PHGDH: variants seen among roughly 807,000 people sequenced by gnomAD.
PHGDH encodes the protein D-3-phosphoglycerate dehydrogenase.
PHGDH carries 50 observed loss-of-function variants against 52.6 expected under a neutral mutation model. That is an observed-to-expected ratio of 0.95 (90% CI 0.76 to 1.20). PHGDH has a LOEUF of 1.20. Among genes scored for constraint, PHGDH ranks in the 50% most tolerant of loss-of-function variants. The pLI is 0.00. For synonymous variants in PHGDH, 271 were observed against 280.5 expected, an observed-to-expected ratio of 0.97 and a Z score of 0.34; for missense variants, 630 against 684.6, an observed-to-expected ratio of 0.92 and a Z score of 0.89.
Position 119,741,887 on chromosome 1 carries a change from C to A in PHGDH, c.1199C>A (p.Ala400Asp). Residue 400 changes from alanine (A) to aspartate (D), a missense_variant, in exon 10 of 12, where the codon GCT becomes GAT. By Grantham distance (126) the Ala-to-Asp change is moderately radical (BLOSUM62 -2). Transcript: ENST00000641023. ...LVNAKLLVKE[A>D]GLNVTTSHSP... ...AACGCTAAGCTGCTGGTGAAAGAGG[C>A]TGGCCTCAATGTGCGCCCCTCTCCC... 1 of 1,613,854 alleles carries A rather than the reference C, an allele frequency of 6.2e-7. No homozygotes were observed. Among genetic ancestry groups the A allele is most frequent in the Non-Finnish European group, 8.5e-7 (1 of 1,179,738 alleles).
Position 119,721,164 on chromosome 1 carries a change from C to T in PHGDH, c.139-6C>T, listed in dbSNP as rs1351164206. The T allele has an allele frequency of 6.2e-7, 1 of 1,613,910 alleles. No individual in the cohort carries two copies. Among genetic ancestry groups the T allele is most frequent in the Admixed American group, 1.7e-5 (1 of 60,004 alleles). ...TTTCTGGACCCAAATGTTTTTTCTG[C>T]TTCAGGACTGTGAAGGCCTTATTGT... On this transcript the variant is annotated splice_polypyrimidine_tract_variant and splice_region_variant and intron_variant, in intron 1 of 11. Transcript: ENST00000641023.
chr1:119,742,758 A>G, intron 10 of PHGDH, 49 bp from the exon 11 acceptor site: 3 of 1,138,378 alleles, frequency 2.6e-6, no homozygotes. Flanking sequence ...AGGAGGGTGG[A>G]CGTGGTGCAG....
chr1:119,738,278 A>G (rs1652032051), intron 8 of PHGDH, among the ~76,000 whole-genome samples: 1 of 152,004 alleles, frequency 6.6e-6, no homozygotes, highest in South Asian at 2.1e-4. Flanking sequence ...GGCAGGAGAG[A>G]CGGGGATTTT....
chr1:119,735,482 A>G lies in PHGDH; in HGVS notation c.792+39A>G, dbSNP rs181122257. 1.1e-5 allele frequency: 17 copies of G among 1,598,476 alleles called. No homozygotes were observed. In the African/African-American group the frequency reaches 2.0e-4, roughly 19 times the overall value. On this transcript the variant is annotated intron_variant, in intron 7 of 11. Coordinates refer to ENST00000641023, the MANE Select transcript of PHGDH (RefSeq NM_006623.4). ...AGCCTCAGCGTCAGGAGGACGGGAG[A>G]GATAGGGAGCAGAGAGGCCCATGGC... is the stretch of plus-strand genomic sequence containing the variant.
intron 1 of PHGDH, chr1:119,712,412 G>GCAAA: frequency 2.1e-6 from 1 of 474,024 alleles, no homozygotes; most frequent in Non-Finnish European, 3.9e-6. Flanking sequence ...CGCTAGCATT[G>GCAAA]CAAAGTGCGG....
chr1:119,738,778 G>A (rs1251055985), intron 8 of PHGDH, among the ~76,000 whole-genome samples: 1 of 152,204 alleles, frequency 6.6e-6, no homozygotes, highest in Middle Eastern at 3.4e-3. Flanking sequence ...AGAGCGAGGG[G>A]GTGGGGGAGG....
At chr1:119,739,508 A>G (rs2101212811) in intron 8 of PHGDH, 1 of 151,898 alleles carries the variant, frequency 6.6e-6, no homozygotes, top group East Asian at 1.9e-4. Context: ...CATTTCCCAT[A>G]CCATGATTCT....
chr1:119,716,154 G>A (rs1404944367), intron 1 of PHGDH, among the ~76,000 whole-genome samples: 1 of 152,126 alleles, frequency 6.6e-6, no homozygotes, highest in Admixed American at 6.5e-5. Flanking sequence ...GGCCTTGGAA[G>A]CTCATTAACT....
intron 3 of PHGDH, among the ~76,000 whole-genome samples, chr1:119,723,802 C>T (rs1358688611): frequency 6.6e-6 from 1 of 151,692 alleles, no homozygotes; most frequent in Non-Finnish European, 1.5e-5. Flanking sequence ...TGTCTAGGTA[C>T]CCTCTGCTTA....
intron 5 of PHGDH, chr1:119,729,690 G>C (rs1651606773): frequency 6.6e-6 from 1 of 152,214 alleles, no homozygotes; most frequent in Admixed American, 6.5e-5. Flanking sequence ...ATGCTTCCAA[G>C]AGGTGCATGG....
At position 119,737,146 on chromosome 1, in the gene PHGDH, T is replaced by A; in HGVS notation, c.825T>A (p.His275Gln). The A allele has an allele frequency of 6.2e-7, 1 of 1,611,982 alleles. No individual in the cohort carries two copies. The highest frequency in any genetic ancestry group is 8.5e-7 in the Non-Finnish European group (1 of 1,177,970). The change falls in exon 8 of 12, where the codon CAT becomes CAA. Residue 275 changes from histidine to glutamine, a missense_variant. His to Gln is a conservative substitution (Grantham distance 24). Transcript: ENST00000641023. ...EPPRDRALVD[H>Q]ENVISCPHLG... is the part of the protein sequence containing the mutation. ...CACGGGACCGGGCCTTGGTGGACCA[T>A]GAGAATGTCATCAGCTGTCCCCACC... is the stretch of plus-strand genomic sequence containing the variant.
intron 8 of PHGDH, among the ~76,000 whole-genome samples, chr1:119,738,126 A>C (rs1652026985): frequency 6.6e-6 from 1 of 152,176 alleles, no homozygotes; most frequent in Admixed American, 6.5e-5. Flanking sequence ...TGAGGACAAA[A>C]AAACATGACT....
At chr1:119,732,433 T>C (rs1420482797) in intron 5 of PHGDH, among the ~76,000 whole-genome samples, 1 of 152,144 alleles carries the variant, frequency 6.6e-6, no homozygotes, top group African/African-American at 2.4e-5. Context: ...TACCCAGAGG[T>C]GCTCCAATGT....
chr1:119,740,597 G>C, intron 9 of PHGDH, 79 bp downstream of exon 9: 1 of 1,276,948 alleles, frequency 7.8e-7, no homozygotes, highest in Middle Eastern at 2.1e-4. Context: ...TGTATTTGCT[G>C]CAGGACACAG....
chr1:119,717,508 C>T (rs887435057), intron 1 of PHGDH, among the ~76,000 whole-genome samples: 2 of 152,080 alleles, frequency 1.3e-5, no homozygotes, highest in South Asian at 4.1e-4. Context: ...CTGACATTTT[C>T]TTTTAATGCT....
rs587632544 is a variant in PHGDH at position 119,727,158 on chromosome 1, G to A, written c.510+56G>A. ...GACTTTCTGCAGCAATTTTGGGAAAGGCAGCATGTCTGGGCAGAAGCCAGA... is the reference window on the plus strand; with the variant it reads ...GACTTTCTGCAGCAATTTTGGGAAAAGCAGCATGTCTGGGCAGAAGCCAGA... On this transcript the variant is annotated intron_variant, in intron 5 of 11. Transcript: ENST00000641023. 50 of 1,083,694 alleles carry A rather than the reference G, an allele frequency of 4.6e-5. No homozygotes were observed. The African/African-American group carries it at 7.1e-4, about 15-fold the overall frequency. The allele number at this position is 1,083,694 out of a possible 1,614,324, so 67.1% of individuals were successfully genotyped here. A position where few individuals can be genotyped will look rare whatever the true frequency, so the allele number is the denominator to read the frequency against.
chr1:119,724,680 T>A, intron 3 of PHGDH: 12 of 374,900 alleles, frequency 3.2e-5, no homozygotes, highest in Non-Finnish European at 4.1e-5. Flanking sequence ...TTTTTTTGAG[T>A]AAGGGAAAAG....
At position 119,740,508 on chromosome 1, in the gene PHGDH, G is replaced by A; in HGVS notation, c.1068G>A (p.Val356=). ...WAGSPKGTIQ[V]ITQGTSLKNA... is the part of the protein sequence containing the mutation. ...GGTCCCCCAAAGGGACCATCCAGGT[G>A]ATAACACAGGGTGAGCTGGGGACCT... Residue 356 remains valine (V), a synonymous_variant, in exon 9 of 12, where the codon GTG becomes GTA. Transcript: ENST00000641023. 6.3e-7 allele frequency: 1 copy of A among 1,577,416 alleles called. No individual in the cohort carries two copies. Among genetic ancestry groups the A allele is most frequent in the Non-Finnish European group, 8.6e-7 (1 of 1,160,802 alleles).
intron 8 of PHGDH, chr1:119,739,449 TG>T (rs1652089366): frequency 6.6e-6 from 1 of 152,072 alleles, no homozygotes; most frequent in African/African-American, 2.4e-5. Flanking sequence ...CCTGCAGACC[TG>T]TCACCTCCCA....
Sources: allele counts gnomAD v4.1 joint callset (sites outside exome capture counted in the v4.1 genomes callset), GRCh38; gene constraint gnomAD v4.1.1; transcripts MANE v1.5; gene names NCBI Gene and HGNC (gene_info 2026-07-23, HGNC 2026-07-21).